TBL1XR1: variants seen among roughly 807,000 people sequenced by gnomAD.
The protein encoded by TBL1XR1 is TBL1X/Y related 1.
In TBL1XR1, 5 loss-of-function variants were observed where a neutral mutation model predicts 66.9. That is an observed-to-expected ratio of 0.07 (90% CI 0.04 to 0.16). The LOEUF (loss-of-function observed/expected upper bound fraction) is 0.16. Ranked by LOEUF, TBL1XR1 falls within the 10% of genes least tolerant of loss-of-function variation. TBL1XR1 has a pLI of 1.00. For missense variants in TBL1XR1, 238 were observed against 623.2 expected, an observed-to-expected ratio of 0.38 and a Z score of 6.58; for synonymous variants, 210 against 206.0, an observed-to-expected ratio of 1.02 and a Z score of -0.17.
At chr3:177,062,326 T>C (rs1718621376) in intron 3 of TBL1XR1, among the ~76,000 whole-genome samples, 1 of 152,256 alleles carries the variant, frequency 6.6e-6, no homozygotes, top group African/African-American at 2.4e-5. Context: ...TGTCAAGTTC[T>C]AATTGTCCTA....
chr3:177,161,158 T>C (rs1732164482), intron 1 of TBL1XR1, among the ~76,000 whole-genome samples: 1 of 152,246 alleles, frequency 6.6e-6, no homozygotes, highest in South Asian at 2.1e-4. Flanking sequence ...CTTAACAGCA[T>C]AATTTTCCAT....
chr3:177,054,762 A>C (rs553098084), intron 3 of TBL1XR1, among the ~76,000 whole-genome samples: 2 of 152,192 alleles, frequency 1.3e-5, no homozygotes, highest in African/African-American at 2.4e-5. Flanking sequence ...TCTATATGAA[A>C]TATTTAAGAA....
chr3:177,176,460 G>T (rs547234936), intron 1 of TBL1XR1, among the ~76,000 whole-genome samples: 31 of 149,802 alleles, frequency 2.1e-4, no homozygotes, highest in Non-Finnish European at 5.9e-5. Context: ...GCCTCCCAAA[G>T]TACTGGGAAT....
chr3:177,120,172 T>C (rs1726818215), intron 1 of TBL1XR1, among the ~76,000 whole-genome samples: 1 of 152,120 alleles, frequency 6.6e-6, no homozygotes, highest in Non-Finnish European at 1.5e-5. Flanking sequence ...GTATAGGTCT[T>C]TACCTCCAGT....
intron 1 of TBL1XR1, among the ~76,000 whole-genome samples, chr3:177,163,737 G>C (rs1158152911): frequency 6.6e-6 from 1 of 152,106 alleles, no homozygotes; most frequent in Non-Finnish European, 1.5e-5. Flanking sequence ...TAACTTGGTA[G>C]GGGTAGGGGT....
At chr3:177,097,190 T>C (rs1363091422) in intron 2 of TBL1XR1, among the ~76,000 whole-genome samples, 1 of 152,214 alleles carries the variant, frequency 6.6e-6, no homozygotes, top group Non-Finnish European at 1.5e-5. Context: ...TCCCACCAAA[T>C]TCTATAAACC....
At chr3:177,104,361 T>A (rs866139280) in intron 1 of TBL1XR1, among the ~76,000 whole-genome samples, 1 of 152,172 alleles carries the variant, frequency 6.6e-6, no homozygotes, top group African/African-American at 2.4e-5. Flanking sequence ...TAATCCGTTT[T>A]ACAAAAAGGA....
intron 3 of TBL1XR1, among the ~76,000 whole-genome samples, chr3:177,064,370 T>G (rs1718889105): frequency 6.6e-6 from 1 of 152,228 alleles, no homozygotes; most frequent in South Asian, 2.1e-4. Context: ...CCTTCTGTTT[T>G]ATCTATCAAT....
chr3:177,163,913 C>T (rs550032134), intron 1 of TBL1XR1: 1 of 152,094 alleles, frequency 6.6e-6, no homozygotes, highest in Non-Finnish European at 1.5e-5. Context: ...TATGTTATTA[C>T]AATTAAACAG....
At chr3:177,092,314 A>G (rs1722937353) in intron 2 of TBL1XR1, among the ~76,000 whole-genome samples, 1 of 152,218 alleles carries the variant, frequency 6.6e-6, no homozygotes, top group African/African-American at 2.4e-5. Context: ...ATTAATCTTA[A>G]TTCATTAGAT....
intron 2 of TBL1XR1, among the ~76,000 whole-genome samples, chr3:177,096,806 G>C (rs756707448): frequency 1.3e-5 from 2 of 152,144 alleles, no homozygotes; most frequent in African/African-American, 2.4e-5. Context: ...AAAGACCCCA[G>C]CAAGTGCTTT....
intron 1 of TBL1XR1, among the ~76,000 whole-genome samples, chr3:177,191,090 C>G (rs575529562): frequency 0.016 from 2,388 of 152,194 alleles, 56 homozygotes; most frequent in African/African-American, 0.055. Context: ...ATGGCAAAAA[C>G]TACCGTATTT....
chr3:177,167,494 A>G (rs1477964997), intron 1 of TBL1XR1, among the ~76,000 whole-genome samples: 1 of 152,234 alleles, frequency 6.6e-6, no homozygotes, highest in Non-Finnish European at 1.5e-5. Context: ...GGTGATAATG[A>G]TGTCAACTTA....
At chr3:177,175,017 A>G (rs542151603) in intron 1 of TBL1XR1, among the ~76,000 whole-genome samples, 2 of 152,344 alleles carry the variant, frequency 1.3e-5, no homozygotes, top group South Asian at 4.1e-4. Context: ...GTTTGCCAGA[A>G]AAGACCAAAC....
chr3:177,163,543 T>C (rs1392969840), intron 1 of TBL1XR1, among the ~76,000 whole-genome samples: 1 of 150,526 alleles, frequency 6.6e-6, no homozygotes, highest in Non-Finnish European at 1.5e-5. Context: ...TGTGTAGATG[T>C]GAGAAGATGT....
chr3:177,183,568 T>G lies in TBL1XR1; in HGVS notation c.-122+13553A>C, dbSNP rs572045738. On this transcript the variant is annotated intron_variant, in intron 1 of 15. Transcript: ENST00000457928. The stretch of plus-strand genomic sequence containing the variant: ...CTCCTTCACCCAGGCTGGAGTGCAG[T>G]GGTGCGATTTTGGCTCACTGCAACC... 2.1e-3 allele frequency among the ~76,000 whole-genome samples: 320 copies of G among 152,014 alleles called. 4 individuals are homozygous for G. The highest frequency in any genetic ancestry group is 1.0e-4 in the Non-Finnish European group (7 of 67,954).
At chr3:177,113,316 A>C (rs573199593) in intron 1 of TBL1XR1, among the ~76,000 whole-genome samples, 2 of 152,174 alleles carry the variant, frequency 1.3e-5, no homozygotes, top group Non-Finnish European at 2.9e-5. Flanking sequence ...CTGGGCAAGG[A>C]TTTTCTTTGG....
At chr3:177,109,766 A>T in intron 1 of TBL1XR1, among the ~76,000 whole-genome samples, 1 of 152,100 alleles carries the variant, frequency 6.6e-6, no homozygotes, top group Non-Finnish European at 1.5e-5. Flanking sequence ...GGGATTCAGA[A>T]GTTGGGGGGA....
chr3:177,164,858 G>A (rs958204595), intron 1 of TBL1XR1, among the ~76,000 whole-genome samples: 1 of 151,908 alleles, frequency 6.6e-6, no homozygotes, highest in Non-Finnish European at 1.5e-5. Flanking sequence ...ACAAGACTAT[G>A]GTATCCCTAA....
Sources: allele counts gnomAD v4.1 joint callset (sites outside exome capture counted in the v4.1 genomes callset), GRCh38; gene constraint gnomAD v4.1.1; transcripts MANE v1.5; gene names NCBI Gene and HGNC (gene_info 2026-07-23, HGNC 2026-07-21).